PCDH15: variants seen among roughly 807,000 people sequenced by gnomAD.
The protein encoded by PCDH15 is protocadherin related 15.
Under a neutral mutation model 178.5 loss-of-function variants are expected in PCDH15, and 129 were observed. That is an observed-to-expected ratio of 0.72 (90% CI 0.63 to 0.84). PCDH15 has a LOEUF of 0.84. Ranked by LOEUF, PCDH15 falls within the 40% of genes least tolerant of loss-of-function variation. The pLI, the probability that PCDH15 is intolerant of heterozygous loss-of-function variation, is 0.00. For synonymous variants in PCDH15, 800 were observed against 732.0 expected (o/e 1.09, Z -1.50); for missense variants, 2,230 against 2,099.9 (o/e 1.06, Z -1.21).
intron 8 of PCDH15, among the ~76,000 whole-genome samples, chr10:54,294,076 C>T (rs1396989609): frequency 1.3e-5 from 2 of 152,046 alleles, no homozygotes; most frequent in African/African-American, 4.8e-5. Flanking sequence ...CCCAAATGTC[C>T]AACAATGATA....
intron 2 of PCDH15, among the ~76,000 whole-genome samples, chr10:55,000,487 G>A (rs1283261976): frequency 3.3e-5 from 5 of 152,116 alleles, no homozygotes; most frequent in African/African-American, 1.2e-4. Flanking sequence ...AAACACACAT[G>A]CTCTACAAAC....
intron 2 of PCDH15, among the ~76,000 whole-genome samples, chr10:54,576,124 T>C (rs1337693345): frequency 3.4e-5 from 2 of 58,422 alleles, no homozygotes; most frequent in Admixed American, 1.9e-4. Flanking sequence ...TCTATGTATG[T>C]ACGTATGTAT....
intron 7 of PCDH15, among the ~76,000 whole-genome samples, chr10:54,325,577 C>T (rs772299449): frequency 1.6e-4 from 25 of 151,966 alleles, no homozygotes; most frequent in Non-Finnish European, 2.4e-4. Flanking sequence ...GCTGAAACCT[C>T]GTTTCTACTA....
intron 25 of PCDH15, among the ~76,000 whole-genome samples, chr10:53,912,960 C>T (rs866076904): frequency 6.6e-6 from 1 of 151,934 alleles, no homozygotes; most frequent in Admixed American, 6.6e-5. Flanking sequence ...TCATATGGAA[C>T]AAAAAAAGAG....
intron 1 of PCDH15, among the ~76,000 whole-genome samples, chr10:55,229,627 T>C (rs1841154676): frequency 6.6e-6 from 1 of 152,018 alleles, no homozygotes; most frequent in South Asian, 2.1e-4. Context: ...AAGTCAAACA[T>C]GGAAAAATAA....
intron 3 of PCDH15, among the ~76,000 whole-genome samples, chr10:54,516,740 C>T (rs968025789): frequency 2.1e-4 from 32 of 151,742 alleles, no homozygotes; most frequent in African/African-American, 7.5e-4. Context: ...AGAAGAGCAA[C>T]TCCAAGACAC....
At chr10:55,216,220 C>T (rs2799621) in intron 1 of PCDH15, among the ~76,000 whole-genome samples, 143,367 of 151,938 alleles carry the variant, frequency 0.94, 67,675 homozygotes, top group Admixed American at 0.95. Context: ...TATAAATCTT[C>T]TGATATATGT....
chr10:53,842,703 G>C (rs552321929), intron 28 of PCDH15, among the ~76,000 whole-genome samples: 12 of 152,204 alleles, frequency 7.9e-5, no homozygotes, highest in African/African-American at 2.9e-4. Flanking sequence ...CCATTAATAA[G>C]CTTCTTCCTT....
At chr10:53,916,018 G>A (rs2133826730) in intron 25 of PCDH15, among the ~76,000 whole-genome samples, 1 of 152,210 alleles carries the variant, frequency 6.6e-6, no homozygotes, top group East Asian at 1.9e-4. Flanking sequence ...ATAGAAAATG[G>A]CCATAGTATT....
At chr10:55,119,552 G>T (rs552950703) in intron 2 of PCDH15, among the ~76,000 whole-genome samples, 139 of 151,064 alleles carry the variant, frequency 9.2e-4, no homozygotes, top group African/African-American at 3.3e-3. Flanking sequence ...GCAGGGTATT[G>T]CATATTCCAT....
intron 32 of PCDH15, among the ~76,000 whole-genome samples, chr10:53,824,641 C>CTTTTACTCTTCGAATCTTGAAAA (rs2076550600): frequency 6.6e-6 from 1 of 152,090 alleles, no homozygotes; most frequent in African/African-American, 2.4e-5. Context: ...CAAACAAACA[C>CTTTTACTCTTCGAATCTTGAAAA]TTTTACTCTT....
At chr10:54,362,671 A>C (rs1182299273) in intron 5 of PCDH15, among the ~76,000 whole-genome samples, 2 of 152,082 alleles carry the variant, frequency 1.3e-5, no homozygotes, top group Non-Finnish European at 2.9e-5. Flanking sequence ...AAAACCTTTC[A>C]ACGAAAAGAA....
intron 1 of PCDH15, among the ~76,000 whole-genome samples, chr10:55,244,821 C>A (rs1841644250): frequency 6.6e-6 from 1 of 151,178 alleles, no homozygotes; most frequent in African/African-American, 2.4e-5. Context: ...ATAATCCAGG[C>A]AGCCATTTCA....
At chr10:53,876,272 C>T (rs772922953) in intron 26 of PCDH15, among the ~76,000 whole-genome samples, 52 of 151,676 alleles carry the variant, frequency 3.4e-4, no homozygotes, top group Non-Finnish European at 5.9e-4. Context: ...ACTGCAACCT[C>T]CGCCTCACGG....
At chr10:54,341,743 G>A (rs563712462) in intron 6 of PCDH15, among the ~76,000 whole-genome samples, 6 of 152,138 alleles carry the variant, frequency 3.9e-5, no homozygotes, top group Admixed American at 6.5e-5. Flanking sequence ...ATAGTGATAC[G>A]GACAATGAAG....
At chr10:53,969,664 C>T (rs957146206) in intron 21 of PCDH15, among the ~76,000 whole-genome samples, 1 of 152,070 alleles carries the variant, frequency 6.6e-6, no homozygotes, top group African/African-American at 2.4e-5. Context: ...GATCTCTAAG[C>T]AAAAAATGTA....
chr10:55,369,456 C>T (rs919291534), intron 2 of PCDH15, among the ~76,000 whole-genome samples: 6 of 151,934 alleles, frequency 3.9e-5, no homozygotes, highest in African/African-American at 1.4e-4. Context: ...AAAAAGTACC[C>T]TTGGTCACAG....
At chr10:55,341,818 T>A (rs1210329998) in intron 2 of PCDH15, among the ~76,000 whole-genome samples, 215 of 87,488 alleles carry the variant, frequency 2.5e-3, no homozygotes, top group Non-Finnish European at 3.2e-3. Flanking sequence ...TTTTTTTTTT[T>A]TTTTTTTTTT....
chr10:53,942,489 A>G (rs769721288), intron 23 of PCDH15, among the ~76,000 whole-genome samples: 3 of 152,138 alleles, frequency 2.0e-5, no homozygotes, highest in Non-Finnish European at 2.9e-5. Context: ...TGTAAATTCA[A>G]TGGACATACT....
Sources: allele counts gnomAD v4.1 joint callset (sites outside exome capture counted in the v4.1 genomes callset), GRCh38; gene constraint gnomAD v4.1.1; transcripts MANE v1.5; gene names NCBI Gene and HGNC (gene_info 2026-07-23, HGNC 2026-07-21).